The following MTERF4 variants were observed in gnomAD, a reference collection of about 807,000 sequenced individuals.
MTERF4 encodes the protein mitochondrial transcription termination factor 4, also known as transcription termination factor 4, mitochondrial.
In MTERF4, 17 loss-of-function variants were observed where a neutral mutation model predicts 22.5. The ratio of observed to expected loss-of-function variants is 0.75; its 90% CI spans 0.52 to 1.13. The LOEUF is 1.13. MTERF4 is among the 50% of genes most tolerant of loss of function. The pLI is 0.00. For missense variants in MTERF4, 420 were observed against 466.8 expected (o/e 0.90, Z 0.92); for synonymous variants, 165 against 175.3 (o/e 0.94, Z 0.47).
downstream of MTERF4, among the ~76,000 whole-genome samples, chr2:241,090,808 A>G (rs2063910869): frequency 6.6e-6 from 1 of 151,508 alleles, no homozygotes; most frequent in South Asian, 2.1e-4. Context: ...CAGAGGTTGC[A>G]GTGGGCTGAG....
chr2:241,087,427 G>A, downstream of MTERF4: 1 of 1,604,220 alleles, frequency 6.2e-7, no homozygotes, highest in Non-Finnish European at 8.5e-7. Context: ...CAAGACATCT[G>A]CTTCAAAGAG....
chr2:241,065,717 C>T, the MTERF4 span: 2 of 860,182 alleles, frequency 2.3e-6, no homozygotes, highest in South Asian at 1.7e-5. Context: ...AGCAGCAAGA[C>T]AGACAGCTGA....
At chr2:241,063,430 G>A in the MTERF4 span, 2 of 648,860 alleles carry the variant, frequency 3.1e-6, no homozygotes, top group African/African-American at 3.6e-5. Flanking sequence ...AGGAGGGGTG[G>A]GTTTGGGGCT....
Position 241,072,868 on chromosome 2 carries a change from A to G in MTERF4, n.3294T>C, listed in dbSNP as rs2062804577. The G allele has an allele frequency of 7.7e-6, 2 of 261,358 alleles. 1 individual carries two copies. Among genetic ancestry groups the G allele is most frequent in the South Asian group, 1.5e-4 (2 of 13,294 alleles). 16.2% of individuals were successfully genotyped at this position (261,358 alleles called of 1,614,324 possible). Reference sequence around the variant, plus strand: ...GAGGGCATGAGGAAGGTCAGTACAGACTGAGGGCAGCTCAGAAAGAGCAGG... The same window carrying G: ...GAGGGCATGAGGAAGGTCAGTACAGGCTGAGGGCAGCTCAGAAAGAGCAGG... On this transcript the variant is annotated non_coding_transcript_exon_variant, in exon 5 of 5. Coordinates refer to the MTERF4 transcript ENST00000464344.
chr2:241,048,612 C>T, the MTERF4 span: 3 of 1,538,606 alleles, frequency 1.9e-6, no homozygotes, highest in Non-Finnish European at 2.7e-6. Flanking sequence ...AGCGAGGGTG[C>T]CATCTTTCTG....
the MTERF4 span, chr2:241,052,249 C>A: frequency 1.8e-5 from 26 of 1,453,280 alleles, no homozygotes; most frequent in South Asian, 2.9e-4. Flanking sequence ...TGGTCCAGGC[C>A]CTGGAGGCGC....
the MTERF4 span, chr2:241,063,507 G>A: frequency 5.5e-6 from 5 of 916,506 alleles, no homozygotes; most frequent in Non-Finnish European, 7.1e-6. Context: ...TGAAGCCCCA[G>A]GAAATGCACG....
At chr2:241,088,844 G>T, downstream of MTERF4, 1 of 216,826 alleles carries the variant, frequency 4.6e-6, no homozygotes, top group Non-Finnish European at 9.1e-6. Flanking sequence ...AGGGCTGAGA[G>T]AGTGCCTCCC....
the MTERF4 span, chr2:241,052,431 C>T: frequency 1.2e-6 from 2 of 1,608,690 alleles, no homozygotes; most frequent in Non-Finnish European, 1.7e-6. Flanking sequence ...TCTTCTGCCA[C>T]TGCCAAGCAG....
the MTERF4 span, chr2:241,051,837 T>C: frequency 6.4e-7 from 1 of 1,560,782 alleles, no homozygotes; most frequent in Non-Finnish European, 8.7e-7. The surrounding 1 kb of genome is among the most constrained non-coding windows in gnomAD (Gnocchi z 4.7). Context: ...CCCTACCGCT[T>C]CACTGGGAGG....
chr2:241,076,997 T>C (rs2063055310), intron 4 of MTERF4, among the ~76,000 whole-genome samples: 1 of 150,932 alleles, frequency 6.6e-6, no homozygotes, highest in South Asian at 2.1e-4. Context: ...GAGAATGGCG[T>C]GAACCCGGGA....
At chr2:241,058,114 G>A in the MTERF4 span, among the ~76,000 whole-genome samples, 1 of 152,122 alleles carries the variant, frequency 6.6e-6, no homozygotes, top group Non-Finnish European at 1.5e-5. Flanking sequence ...AAAAATAGGT[G>A]TATACAAATC....
intron 2 of MTERF4, 128 bp from the exon 3 acceptor site, chr2:241,097,555 G>T: frequency 1.2e-6 from 1 of 821,984 alleles, no homozygotes; most frequent in Non-Finnish European, 1.9e-6. Context: ...CAGAGCAAGT[G>T]GCAATTTCAG....
chr2:241,057,380 A>AAAAAAAAAAATATATATATAT, the MTERF4 span, among the ~76,000 whole-genome samples: 1 of 118,128 alleles, frequency 8.5e-6, no homozygotes, highest in African/African-American at 3.8e-5. Context: ...TCCATCTCAA[A>AAAAAAAAAAATATATATATAT]ATATATATAT....
downstream of MTERF4, chr2:241,088,105 C>T (rs370330192): frequency 1.4e-5 from 7 of 504,338 alleles, no homozygotes; most frequent in Non-Finnish European, 1.1e-5. Flanking sequence ...CTTTCTCCCA[C>T]GTCCATCCTC....
downstream of MTERF4, chr2:241,070,144 C>G: frequency 2.5e-6 from 4 of 1,611,076 alleles, no homozygotes; most frequent in Non-Finnish European, 3.4e-6. Flanking sequence ...GATAGCAGTG[C>G]AGAGCACGGA....
intron 3 of MTERF4, chr2:241,097,023 T>G (rs772573751): frequency 9.2e-5 from 56 of 605,968 alleles, no homozygotes; most frequent in Non-Finnish European, 1.5e-4. Flanking sequence ...CTTTGGCTGA[T>G]GTATGCAGAG....
downstream of MTERF4, among the ~76,000 whole-genome samples, chr2:241,085,490 C>A (rs114568105): frequency 6.5e-3 from 990 of 152,234 alleles, 10 homozygotes; most frequent in African/African-American, 0.022. Context: ...TCCTTTAGCT[C>A]ACTGAACATG....
chr2:241,093,332 T>C (rs2064164492), downstream of MTERF4: 1 of 152,678 alleles, frequency 6.5e-6, no homozygotes, highest in Non-Finnish European at 1.5e-5. Flanking sequence ...TACTAGCAGA[T>C]GCTAAGATCG....
Sources: gnomAD v4.1 joint callset for allele counts (sites outside exome capture counted in the v4.1 genomes callset) on GRCh38, gnomAD v4.1.1 for gene constraint, Gnocchi (gnomAD v3.1) non-coding constraint, MANE v1.5 for transcripts, NCBI Gene and HGNC (gene_info 2026-07-23, HGNC 2026-07-21) for gene names.